The following MAP2K4 variants were observed in gnomAD, a reference collection of about 807,000 sequenced individuals.
MAP2K4 encodes dual specificity mitogen-activated protein kinase kinase 4.
MAP2K4 carries 4 observed loss-of-function variants against 48.5 expected under a neutral mutation model. The ratio of observed to expected loss-of-function variants is 0.08; its 90% confidence interval spans 0.04 to 0.19. The LOEUF is 0.19. Among genes scored for constraint, MAP2K4 ranks in the 10% least tolerant of loss-of-function variants. The probability of loss-of-function intolerance (pLI) is 1.00; values close to 1 mark genes in which losing one functional copy is unlikely to be tolerated. For missense variants in MAP2K4, 258 were observed against 493.3 expected (o/e 0.52, Z 4.52); for synonymous variants, 166 against 173.1 (o/e 0.96, Z 0.32).
chr17:12,050,086 G>A (rs545033079), intron 1 of MAP2K4, among the ~76,000 whole-genome samples: 2 of 152,200 alleles, frequency 1.3e-5, no homozygotes, highest in African/African-American at 4.8e-5. Context: ...TTGTAGAGAC[G>A]GTTTCCATTC....
At chr17:12,134,001 C>T (rs966103068) in intron 9 of MAP2K4, among the ~76,000 whole-genome samples, 1 of 152,226 alleles carries the variant, frequency 6.6e-6, no homozygotes, top group African/African-American at 2.4e-5. Context: ...AAAGCTCAAG[C>T]TTTGCTGAAA....
chr17:12,073,917 G>T (rs1480850603), intron 2 of MAP2K4, among the ~76,000 whole-genome samples: 1 of 151,922 alleles, frequency 6.6e-6, no homozygotes, highest in African/African-American at 2.4e-5. Context: ...GGGATTACAG[G>T]TGCCCACCAC....
At chr17:12,134,943 C>T (rs1973155293) in intron 9 of MAP2K4, among the ~76,000 whole-genome samples, 1 of 152,174 alleles carries the variant, frequency 6.6e-6, no homozygotes, top group Admixed American at 6.5e-5. Flanking sequence ...CACTCTGTCA[C>T]CCAGACTGGA....
chr17:12,060,625 T>A (rs2151530611), intron 2 of MAP2K4, among the ~76,000 whole-genome samples: 1 of 152,334 alleles, frequency 6.6e-6, no homozygotes, highest in South Asian at 2.1e-4. Flanking sequence ...AATCTCTGCA[T>A]TTCTGTGGTG....
At position 12,142,489 on chromosome 17, in the gene MAP2K4, C is replaced by T. The variant is rs1441621558; in HGVS notation, c.*1229C>T. ...TGTTCCTTACCAAGGATTTTTAGCC[C>T]CAAATCTCTCATATTCGCTAGTGTT... is the stretch of plus-strand genomic sequence containing the variant. On this transcript the variant is annotated 3_prime_UTR_variant, in exon 11 of 11. Coordinates refer to ENST00000353533, the MANE Select transcript of MAP2K4 (RefSeq NM_003010.4). 1 of 232,794 alleles carries T rather than the reference C, an allele frequency of 4.3e-6. No homozygotes were observed. The highest frequency in any genetic ancestry group is 8.5e-6 in the Non-Finnish European group (1 of 117,868). The allele number at this position is 232,794 out of a possible 1,614,324, so 14.4% of individuals were successfully genotyped here. A position where few individuals can be genotyped will look rare whatever the true frequency, so the allele number is the denominator to read the frequency against.
intron 2 of MAP2K4, among the ~76,000 whole-genome samples, chr17:12,072,660 T>C (rs951775698): frequency 6.6e-6 from 1 of 152,192 alleles, no homozygotes; most frequent in Admixed American, 6.5e-5. Context: ...ATTGAGCTGG[T>C]TGATCATAGT....
At chr17:12,023,976 G>C (rs1193575842) in intron 1 of MAP2K4, among the ~76,000 whole-genome samples, 1 of 152,068 alleles carries the variant, frequency 6.6e-6, no homozygotes, top group Non-Finnish European at 1.5e-5. Context: ...TCTCATTAAT[G>C]GTCCCTTTTA....
intron 2 of MAP2K4, among the ~76,000 whole-genome samples, chr17:12,072,957 T>G (rs1039657049): frequency 5.3e-5 from 8 of 152,256 alleles, no homozygotes; most frequent in Non-Finnish European, 1.0e-4. Context: ...CTCTTGGTTT[T>G]TAATTTGCTT....
chr17:12,082,133 T>A, intron 3 of MAP2K4: 1 of 258,070 alleles, frequency 3.9e-6, no homozygotes, highest in Non-Finnish European at 8.4e-6. Flanking sequence ...TGCCACTTAA[T>A]ATGTTCATTA....
intron 4 of MAP2K4, among the ~76,000 whole-genome samples, chr17:12,103,711 C>T (rs1289647433): frequency 6.6e-6 from 1 of 152,042 alleles, no homozygotes; most frequent in Non-Finnish European, 1.5e-5. Context: ...CTACATTTTA[C>T]ATAATATCGC....
At chr17:12,121,403 A>G (rs1245798464) in intron 7 of MAP2K4, among the ~76,000 whole-genome samples, 4 of 152,014 alleles carry the variant, frequency 2.6e-5, no homozygotes, top group Non-Finnish European at 5.9e-5. Flanking sequence ...GATTTCCCAT[A>G]TGTCAAAAAA....
chr17:12,139,450 T>C (rs1010312604), intron 9 of MAP2K4, among the ~76,000 whole-genome samples: 2 of 152,216 alleles, frequency 1.3e-5, no homozygotes, highest in African/African-American at 4.8e-5. Flanking sequence ...TTCTCTTGGG[T>C]AGTATCTGCA....
intron 1 of MAP2K4, among the ~76,000 whole-genome samples, chr17:12,024,071 A>G (rs988082713): frequency 6.6e-6 from 1 of 152,040 alleles, no homozygotes; most frequent in African/African-American, 2.4e-5. Context: ...GTTCTCTCTA[A>G]CCTGTTGATT....
chr17:12,030,640 G>C (rs1016953332), intron 1 of MAP2K4, among the ~76,000 whole-genome samples: 1 of 152,124 alleles, frequency 6.6e-6, no homozygotes, highest in Non-Finnish European at 1.5e-5. Context: ...CACTTATTAA[G>C]CAATGTAACT....
intron 3 of MAP2K4, among the ~76,000 whole-genome samples, chr17:12,090,648 C>T (rs1971532191): frequency 6.6e-6 from 1 of 152,138 alleles, no homozygotes; most frequent in Non-Finnish European, 1.5e-5. Flanking sequence ...CCCACTATCC[C>T]TTCTCCCTGT....
Position 12,110,492 on chromosome 17 carries a change from A to G in MAP2K4, c.685+66A>G, listed in dbSNP as rs182929223. On this transcript the variant is annotated intron_variant, in intron 6 of 10. Coordinates refer to ENST00000353533, the MANE Select transcript of MAP2K4 (RefSeq NM_003010.4). ...TTTTCTCCTAATTGGTGAAACGGTT[A>G]TTGAAAATTACAGTGTCACTGTATA... is the stretch of plus-strand genomic sequence containing the variant. 6 of 1,143,876 alleles carry G rather than the reference A, an allele frequency of 5.2e-6. No homozygotes were observed. The East Asian group carries it at 9.4e-5, about 18-fold the overall frequency. The allele number at this position is 1,143,876 out of a possible 1,614,324, so 70.9% of individuals were successfully genotyped here.
intron 6 of MAP2K4, among the ~76,000 whole-genome samples, chr17:12,112,861 T>G (rs1326231281): frequency 6.6e-6 from 1 of 152,226 alleles, no homozygotes; most frequent in East Asian, 1.9e-4. Flanking sequence ...ATATTCAGTT[T>G]TTAAGCACTG....
intron 1 of MAP2K4, among the ~76,000 whole-genome samples, chr17:12,030,086 C>T (rs1458472703): frequency 2.0e-5 from 3 of 152,082 alleles, no homozygotes; most frequent in African/African-American, 7.2e-5. Context: ...GTCCCCTTTG[C>T]CCATCCTTAC....
chr17:12,110,545 G>A (rs1471821537), intron 6 of MAP2K4, 119 bp downstream of exon 6: 2 of 709,354 alleles, frequency 2.8e-6, no homozygotes, highest in East Asian at 5.5e-5. Flanking sequence ...TGTATTTTTA[G>A]CAAAAAATGC....
Sources: allele counts gnomAD v4.1 joint callset (sites outside exome capture counted in the v4.1 genomes callset), GRCh38; gene constraint gnomAD v4.1.1; transcripts MANE v1.5; gene names NCBI Gene and HGNC (gene_info 2026-07-23, HGNC 2026-07-21).